The following ABCB11 variants were observed in gnomAD, a reference collection of about 807,000 sequenced individuals.
ABCB11 encodes ATP binding cassette subfamily B member 11.
A neutral mutation model predicts 148.0 loss-of-function variants in ABCB11; 95 were observed. The ratio of observed to expected loss-of-function variants is 0.64; its 90% confidence interval spans 0.54 to 0.76. ABCB11 has a LOEUF of 0.76. ABCB11 is among the 30% of genes least tolerant of loss of function. The pLI is 0.00. For missense variants in ABCB11, 1,523 were observed against 1,617.8 expected, an observed-to-expected ratio of 0.94 and a Z score of 1.01; for synonymous variants, 591 against 555.4, an observed-to-expected ratio of 1.06 and a Z score of -0.90.
intron 10 of ABCB11, among the ~76,000 whole-genome samples, chr2:168,981,981 C>T (rs1694150200): frequency 6.6e-6 from 1 of 152,146 alleles, no homozygotes; most frequent in Non-Finnish European, 1.5e-5. Context: ...CTTTGAATGG[C>T]TCTCTGGATG....
chr2:168,931,599 G>C (rs1691571454), intron 24 of ABCB11, among the ~76,000 whole-genome samples: 1 of 152,196 alleles, frequency 6.6e-6, no homozygotes, highest in Admixed American at 6.5e-5. Context: ...GCTAAAACTT[G>C]AATCAAGATG....
downstream of ABCB11, among the ~76,000 whole-genome samples, chr2:168,916,462 C>T (rs149577456): frequency 1.9e-3 from 296 of 152,306 alleles, 1 homozygote; most frequent in African/African-American, 6.7e-3. Flanking sequence ...CACGAGTACC[C>T]TGATTACTCA....
At chr2:168,980,961 T>G (rs777821325) in intron 10 of ABCB11, among the ~76,000 whole-genome samples, 2 of 152,168 alleles carry the variant, frequency 1.3e-5, no homozygotes, top group Non-Finnish European at 2.9e-5. Context: ...CAAAGAATGG[T>G]CCTACTCTTG....
chr2:169,003,645 G>A (rs962504114), intron 5 of ABCB11, among the ~76,000 whole-genome samples: 1 of 151,894 alleles, frequency 6.6e-6, no homozygotes, highest in Non-Finnish European at 1.5e-5. Context: ...GTAGATCTAC[G>A]TTTACTTCTT....
chr2:168,985,270 GA>G (rs1404235401), intron 10 of ABCB11, among the ~76,000 whole-genome samples: 4 of 152,124 alleles, frequency 2.6e-5, no homozygotes, highest in African/African-American at 9.7e-5. Context: ...TGGATGTAGT[GA>G]AAAGGAACAC....
At chr2:168,982,576 A>G (rs537054401) in intron 10 of ABCB11, among the ~76,000 whole-genome samples, 1 of 152,244 alleles carries the variant, frequency 6.6e-6, no homozygotes, top group East Asian at 1.9e-4. Flanking sequence ...CACAAGTGAT[A>G]CTAATTACAG....
downstream of ABCB11, among the ~76,000 whole-genome samples, chr2:168,919,631 A>AAG (rs1691020229): frequency 1.3e-5 from 2 of 150,580 alleles, no homozygotes; most frequent in African/African-American, 4.9e-5. Flanking sequence ...CTTATTTTTT[A>AAG]AAAAAAAAGC....
At chr2:168,961,052 C>A (rs1288463064) in intron 18 of ABCB11, among the ~76,000 whole-genome samples, 1 of 151,626 alleles carries the variant, frequency 6.6e-6, no homozygotes, top group Non-Finnish European at 1.5e-5. Flanking sequence ...ATTTTTGCAT[C>A]CCCAGTGTGA....
chr2:168,926,000 GA>G (rs1427146008), intron 26 of ABCB11, among the ~76,000 whole-genome samples: 18 of 152,164 alleles, frequency 1.2e-4, no homozygotes, highest in Admixed American at 9.8e-4. Context: ...ACTGGGCCAA[GA>G]GCCTAAAACT....
At position 168,923,641 on chromosome 2, in the gene ABCB11, G is replaced by A; in HGVS notation, c.3947C>T (p.Thr1316Ile). 4 of 1,613,846 alleles carry A rather than the reference G, an allele frequency of 2.5e-6. No homozygotes were observed. The highest frequency in any genetic ancestry group is 2.7e-5 in the African/African-American group (2 of 74,996). ...ATTGGGTCAACTGATGGGGGATCCA[G>A]TGGTGACTAGTTTGTAGTAGGCTCC... Reference protein sequence around the residue: ...QKGAYYKLVTTGSPIS With the variant: ...QKGAYYKLVTIGSPIS Residue 1316 changes from threonine to isoleucine, a missense_variant, in exon 28 of 28, where the codon ACT (threonine) becomes ATT (isoleucine). Thr to Ile is a moderately conservative substitution (Grantham distance 89). Transcript: ENST00000650372.
intron 10 of ABCB11, among the ~76,000 whole-genome samples, chr2:168,985,140 A>G (rs916755558): frequency 2.2e-5 from 3 of 138,596 alleles, no homozygotes; most frequent in Non-Finnish European, 4.7e-5. Flanking sequence ...CAAACATATG[A>G]AAAAAATGCT....
rs1195731263 is a variant in ABCB11, at chr2:168,970,036, T to A, written c.1809+9A>T. 1 of 1,609,918 alleles carries A rather than the reference T, an allele frequency of 6.2e-7. No homozygotes were observed. Among genetic ancestry groups the A allele is most frequent in the Non-Finnish European group, 8.5e-7 (1 of 1,177,872 alleles). ...TGGACCTGTAAAATGGACTAAGACTTCCACAAACCTTACTCAGCACTTCTT... is the reference window on the plus strand; with the variant it reads ...TGGACCTGTAAAATGGACTAAGACTACCACAAACCTTACTCAGCACTTCTT... On this transcript the variant is annotated intron_variant, in intron 15 of 27. Coordinates refer to ENST00000650372, the MANE Select transcript of ABCB11 (RefSeq NM_003742.4).
Position 168,920,851 on chromosome 2 carries a change from G to T in ABCB11, c.*2771C>A, listed in dbSNP as rs565548091. ...TTGTAATCTTCTCCTTTGTCACTGA[G>T]CCTCAATTATTTCCCCAATTTCAAG... On this transcript the variant is annotated 3_prime_UTR_variant, in exon 28 of 28. Coordinates refer to ENST00000650372, the MANE Select transcript of ABCB11 (RefSeq NM_003742.4). Among the ~76,000 whole-genome samples, 2 of 152,182 alleles carry T rather than the reference G, an allele frequency of 1.3e-5. No individual in the cohort carries two copies. Among genetic ancestry groups the T allele is most frequent in the Admixed American group, 6.5e-5 (1 of 15,290 alleles).
chr2:168,924,815 T>C lies in ABCB11; in HGVS notation c.3619-12A>G. On this transcript the variant is annotated splice_polypyrimidine_tract_variant and intron_variant, in intron 26 of 27. Coordinates refer to ENST00000650372, the MANE Select transcript of ABCB11 (RefSeq NM_003742.4). ...TTAGTTTCATATTTCTGAAAAAAAGTATGATAAGTTTGAGAAATAGAAACA... is the reference window on the plus strand; with the variant it reads ...TTAGTTTCATATTTCTGAAAAAAAGCATGATAAGTTTGAGAAATAGAAACA... The C allele has an allele frequency of 2.5e-6, 4 of 1,609,604 alleles. No individual in the cohort carries two copies. The highest frequency in any genetic ancestry group is 3.4e-6 in the Non-Finnish European group (4 of 1,177,258).
At chr2:168,920,236 T>C (rs475612), downstream of ABCB11, among the ~76,000 whole-genome samples, 110,698 of 151,930 alleles carry the variant, frequency 0.73, 40,923 homozygotes, top group East Asian at 0.95. Flanking sequence ...ATTCTCCTTT[T>C]CCCTCATTTT....
chr2:168,999,121 A>G (rs527273653), intron 5 of ABCB11, among the ~76,000 whole-genome samples: 2 of 152,210 alleles, frequency 1.3e-5, no homozygotes, highest in African/African-American at 4.8e-5. Context: ...ACCTGAATCT[A>G]CTTGAATGAA....
In ABCB11 at chr2:168,969,357, G is replaced by A; in HGVS notation, c.2004C>T (p.Asp668=). The A allele has an allele frequency of 6.2e-7, 1 of 1,611,438 alleles. No homozygotes were observed. Among genetic ancestry groups the A allele is most frequent in the Non-Finnish European group, 8.5e-7 (1 of 1,178,632 alleles). The change falls in exon 16 of 28, where the codon GAC becomes GAT. Residue 668 remains aspartate, a synonymous_variant. Transcript: ENST00000650372. The part of the protein sequence containing the change: ...SQGNQALNEE[D]IKDATEDDML... ...TAGGGAAAAAGCACTTGCCCTTTAT[G>A]TCCTCTTCATTAAGAGCTTGATTTC...
At chr2:168,942,736 C>A (rs377103865) in intron 21 of ABCB11, among the ~76,000 whole-genome samples, 2 of 151,580 alleles carry the variant, frequency 1.3e-5, no homozygotes, top group South Asian at 4.2e-4. Flanking sequence ...AATATATACA[C>A]CTACTTGGTA....
rs772623963 is a variant in ABCB11 at position 168,927,217 on chromosome 2, T to C, written c.3557A>G (p.Glu1186Gly). 5.6e-6 allele frequency: 9 copies of C among 1,613,938 alleles called. No homozygotes were observed. Among genetic ancestry groups the C allele is most frequent in the South Asian group, 5.5e-5 (5 of 91,086 alleles). ...YGDNTKEIPM[E>G]RVIAAAKQAQ... ...CTGTTTTGCAGCTGCTATGACTCTT[T>C]CCATGGGAATTTCTTTGGTGTTGTC... The change falls in exon 26 of 28, where the codon GAA becomes GGA. Residue 1186 changes from glutamate (E) to glycine (G), a missense_variant. By Grantham distance (98) the Glu-to-Gly change is moderately conservative. Transcript: ENST00000650372.
Sources: allele counts gnomAD v4.1 joint callset (sites outside exome capture counted in the v4.1 genomes callset), GRCh38; gene constraint gnomAD v4.1.1; transcripts MANE v1.5; gene names NCBI Gene and HGNC (gene_info 2026-07-23, HGNC 2026-07-21).